The following FAM24B variants were observed in gnomAD, a reference collection of about 807,000 sequenced individuals.
The protein encoded by FAM24B is protein FAM24B.
A neutral mutation model predicts 2.3 loss-of-function variants in FAM24B; 3 were observed. That is an observed-to-expected ratio of 1.29 (90% CI 0.59 to 3.32). The LOEUF (loss-of-function observed/expected upper bound fraction) is 3.32. Ranked by LOEUF, FAM24B falls within the 30% of genes most tolerant of loss-of-function variation. FAM24B has a pLI of 0.03. For missense variants in FAM24B, 98 were observed against 117.2 expected (o/e 0.84, Z 0.76); for synonymous variants, 36 against 46.3 (o/e 0.78, Z 0.90).
At chr10:122,850,349 C>T in intron 3 of FAM24B, 75 bp downstream of exon 3, 1 of 1,199,724 alleles carries the variant, frequency 8.3e-7, no homozygotes, top group Non-Finnish European at 1.2e-6. Flanking sequence ...CCAGGTATCC[C>T]ACTGAGGAAG....
intron 1 of FAM24B, among the ~76,000 whole-genome samples, chr10:122,857,435 C>T (rs181902644): frequency 1.6e-4 from 24 of 152,300 alleles, no homozygotes; most frequent in Admixed American, 1.4e-3. Context: ...AGCTTTGCTG[C>T]AATTCAATTT....
At position 122,849,268 on chromosome 10, in the gene FAM24B, G is replaced by A. The variant is rs758502475; in HGVS notation, c.264C>T (p.Cys88=). ...TAACTCAGAGGCCCTCATTTATGTC[G>A]CAACAGCAAGGTGGCAGGGAATCAA... ...ASFDSLPPCC[C]DINEGL Residue 88 remains cysteine (C), a synonymous_variant, in exon 4 of 4, where the codon TGC becomes TGT. Transcript: ENST00000368898. The A allele has an allele frequency of 1.0e-4, 159 of 1,569,760 alleles. No individual in the cohort carries two copies. The highest frequency in any genetic ancestry group is 1.2e-4 in the Non-Finnish European group (141 of 1,153,960).
At chr10:122,861,388 A>G (rs1847723385) in intron 1 of FAM24B, among the ~76,000 whole-genome samples, 1 of 152,226 alleles carries the variant, frequency 6.6e-6, no homozygotes, top group Non-Finnish European at 1.5e-5. Flanking sequence ...AAGTCTTAAA[A>G]TTAATAGTGT....
intron 1 of FAM24B, among the ~76,000 whole-genome samples, chr10:122,877,189 G>C (rs2133844536): frequency 6.6e-6 from 1 of 152,344 alleles, no homozygotes; most frequent in Non-Finnish European, 1.5e-5. Flanking sequence ...CTAGGCACCA[G>C]CACAACACCC....
chr10:122,870,631 C>T (rs1343530375), intron 1 of FAM24B, among the ~76,000 whole-genome samples: 2 of 152,162 alleles, frequency 1.3e-5, no homozygotes, highest in Non-Finnish European at 2.9e-5. Context: ...GCTGGTTCAA[C>T]ATATGCAAAT....
intron 1 of FAM24B, among the ~76,000 whole-genome samples, chr10:122,874,112 A>G (rs919907799): frequency 6.6e-6 from 1 of 152,192 alleles, no homozygotes; most frequent in African/African-American, 2.4e-5. Flanking sequence ...GTGTCCTATT[A>G]ATACCAATTA....
chr10:122,854,817 C>T lies in FAM24B; in HGVS notation c.-36+828G>A, dbSNP rs141647008. ...TCTCTGTAATACACATCCACAAGGA[C>T]TTTCACCCAAGTCAGTTATTTGCGA... On this transcript the variant is annotated intron_variant, in intron 2 of 3. Coordinates refer to ENST00000368898, the MANE Select transcript of FAM24B (RefSeq NM_152644.3). Among the ~76,000 whole-genome samples, 315 of 152,352 alleles carry T rather than the reference C, an allele frequency of 2.1e-3. 1 individual carries two copies. The highest frequency in any genetic ancestry group is 4.1e-3 in the Admixed American group (63 of 15,306).
chr10:122,864,790 C>T (rs1321539173), intron 1 of FAM24B, among the ~76,000 whole-genome samples: 2 of 152,170 alleles, frequency 1.3e-5, no homozygotes, highest in South Asian at 4.1e-4. Flanking sequence ...GTTGCCTTAT[C>T]CAGAATGTCA....
intron 1 of FAM24B, among the ~76,000 whole-genome samples, chr10:122,856,376 C>T (rs1032769072): frequency 6.6e-6 from 1 of 152,096 alleles, no homozygotes; most frequent in Non-Finnish European, 1.5e-5. Flanking sequence ...TTATGTTCCC[C>T]GTGTAGCAAA....
chr10:122,858,507 CA>C (rs1566253028), intron 1 of FAM24B, among the ~76,000 whole-genome samples: 13 of 151,704 alleles, frequency 8.6e-5, no homozygotes, highest in African/African-American at 2.9e-4. Context: ...ACATATGTAA[CA>C]AACCTGCATG....
intron 1 of FAM24B, among the ~76,000 whole-genome samples, chr10:122,878,083 C>A (rs1271335700): frequency 2.0e-5 from 3 of 152,162 alleles, no homozygotes; most frequent in Non-Finnish European, 4.4e-5. Flanking sequence ...CAAATTCTCT[C>A]ACAGTGTGGA....
intron 1 of FAM24B, among the ~76,000 whole-genome samples, chr10:122,857,936 T>C (rs1175828375): frequency 6.6e-6 from 1 of 152,244 alleles, no homozygotes; most frequent in Non-Finnish European, 1.5e-5. Flanking sequence ...ACTCAGGCAC[T>C]GGCAAGGCTG....
At chr10:122,875,963 T>G (rs1438813983) in intron 1 of FAM24B, among the ~76,000 whole-genome samples, 1 of 152,172 alleles carries the variant, frequency 6.6e-6, no homozygotes, top group South Asian at 2.1e-4. Context: ...CCCGCCCTAG[T>G]GCTGGCACGC....
At chr10:122,862,798 C>A (rs999448282) in intron 1 of FAM24B, among the ~76,000 whole-genome samples, 5 of 152,084 alleles carry the variant, frequency 3.3e-5, no homozygotes, top group African/African-American at 1.2e-4. Context: ...ACAAAGACAT[C>A]ATAACTACTT....
chr10:122,865,079 C>G (rs144217568), intron 1 of FAM24B, among the ~76,000 whole-genome samples: 31 of 152,316 alleles, frequency 2.0e-4, no homozygotes, highest in African/African-American at 7.2e-4. Context: ...GGATAAATAA[C>G]TAGGAGTCCA....
chr10:122,863,840 A>T (rs1362649309), intron 1 of FAM24B, among the ~76,000 whole-genome samples: 1 of 152,216 alleles, frequency 6.6e-6, no homozygotes, highest in Non-Finnish European at 1.5e-5. Flanking sequence ...CACATCCTTA[A>T]GATCTATGAT....
chr10:122,861,928 A>C (rs1470308774), intron 1 of FAM24B, among the ~76,000 whole-genome samples: 1 of 147,816 alleles, frequency 6.8e-6, no homozygotes, highest in African/African-American at 2.6e-5. Flanking sequence ...TCATAATCTG[A>C]CCTACACGGA....
chr10:122,875,905 T>C (rs1847969470), intron 1 of FAM24B, among the ~76,000 whole-genome samples: 1 of 152,214 alleles, frequency 6.6e-6, no homozygotes. Flanking sequence ...AGAAGAATGC[T>C]TCAAGTGAGC....
intron 1 of FAM24B, among the ~76,000 whole-genome samples, chr10:122,858,271 G>A (rs1280301209): frequency 1.3e-5 from 2 of 152,128 alleles, no homozygotes; most frequent in African/African-American, 4.8e-5. Context: ...GATGAAGCTG[G>A]AAACCATCAT....
Sources: allele counts gnomAD v4.1 joint callset (sites outside exome capture counted in the v4.1 genomes callset), GRCh38; gene constraint gnomAD v4.1.1; transcripts MANE v1.5; gene names NCBI Gene and HGNC (gene_info 2026-07-23, HGNC 2026-07-21).